ANKRD6: variants seen among roughly 807,000 people sequenced by gnomAD.
The protein encoded by ANKRD6 is ankyrin repeat domain 6, also known as ankyrin repeat domain-containing protein 6.
Under a neutral mutation model 82.3 loss-of-function variants are expected in ANKRD6, and 56 were observed. That is an observed-to-expected ratio of 0.68 (90% CI 0.55 to 0.85). The LOEUF (loss-of-function observed/expected upper bound fraction) is 0.85. Ranked by LOEUF, ANKRD6 falls within the 40% of genes least tolerant of loss-of-function variation. The probability of loss-of-function intolerance (pLI) is 0.00; values close to 1 mark genes in which losing one functional copy is unlikely to be tolerated. For missense variants in ANKRD6, 852 were observed against 907.6 expected (o/e 0.94, Z 0.79); for synonymous variants, 347 against 352.1 (o/e 0.99, Z 0.16).
chr6:89,578,712 C>T (rs762228791), intron 2 of ANKRD6, among the ~76,000 whole-genome samples: 25 of 152,194 alleles, frequency 1.6e-4, no homozygotes, highest in Non-Finnish European at 3.2e-4. Flanking sequence ...CAGCAGTGGG[C>T]CAGGTGCTTG....
chr6:89,450,021 A>C lies in ANKRD6; in HGVS notation c.-144+16646A>C, dbSNP rs756896547. ...TAAAATGCTGTCAAACAGCTGTTACATGCGACAGAGAAATCTCATTAAAGA... is the reference window on the plus strand; with the variant it reads ...TAAAATGCTGTCAAACAGCTGTTACCTGCGACAGAGAAATCTCATTAAAGA... On this transcript the variant is annotated intron_variant, in intron 1 of 15. Coordinates refer to ENST00000339746, the MANE Select transcript of ANKRD6 (RefSeq NM_001242809.2). Among the ~76,000 whole-genome samples, 8 of 152,284 alleles carry C rather than the reference A, an allele frequency of 5.3e-5. 1 individual carries two copies. Among genetic ancestry groups the C allele is most frequent in the Admixed American group, 2.6e-4 (4 of 15,278 alleles).
intron 1 of ANKRD6, among the ~76,000 whole-genome samples, chr6:89,439,639 T>C (rs1390061985): frequency 6.6e-6 from 1 of 152,224 alleles, no homozygotes; most frequent in Non-Finnish European, 1.5e-5. Context: ...GACATTGGGC[T>C]GTTCTACCTA....
intron 1 of ANKRD6, among the ~76,000 whole-genome samples, chr6:89,446,851 T>C (rs1403731896): frequency 1.3e-5 from 2 of 152,162 alleles, no homozygotes; most frequent in Admixed American, 1.3e-4. Flanking sequence ...TCTCACGAGA[T>C]TGGATAGTTT....
chr6:89,503,338 A>G (rs1250551058), intron 1 of ANKRD6, among the ~76,000 whole-genome samples: 1 of 152,210 alleles, frequency 6.6e-6, no homozygotes, highest in Non-Finnish European at 1.5e-5. Flanking sequence ...TCTTGGGCAG[A>G]GAGGACAGAA....
At position 89,630,628 on chromosome 6, in the gene ANKRD6, C is replaced by G; in HGVS notation, c.1808C>G (p.Ala603Gly). Reference protein sequence around the residue: ...VQTALLPMNEAARSDQQAGPC... With the variant: ...VQTALLPMNEGARSDQQAGPC... ...ACAGCCTTGCTACCCATGAATGAGG[C>G]AGCCAGATCTGATCAGCAGGCTGGG... Residue 603 changes from alanine to glycine, a missense_variant, in exon 16 of 16, where the codon GCA becomes GGA. Transcript: ENST00000339746. 6.2e-7 allele frequency: 1 copy of G among 1,613,908 alleles called. No homozygotes were observed.
intron 5 of ANKRD6, among the ~76,000 whole-genome samples, chr6:89,609,004 GC>G (rs1409869914): frequency 6.6e-6 from 1 of 152,182 alleles, no homozygotes; most frequent in Non-Finnish European, 1.5e-5. Context: ...GGGCTCACTG[GC>G]CTGCTTCTCA....
chr6:89,605,308 G>A (rs1272141739), intron 4 of ANKRD6, among the ~76,000 whole-genome samples: 1 of 151,564 alleles, frequency 6.6e-6, no homozygotes, highest in Non-Finnish European at 1.5e-5. Context: ...CTTGAACTCT[G>A]GAGGCAGAGG....
chr6:89,593,290 G>A (rs775054082), intron 2 of ANKRD6, among the ~76,000 whole-genome samples: 6 of 152,232 alleles, frequency 3.9e-5, no homozygotes, highest in Non-Finnish European at 8.8e-5. Flanking sequence ...CATACTCAAT[G>A]TCAAGAAGTC....
At chr6:89,618,396 A>G (rs559764686) in intron 9 of ANKRD6, 2 of 578,252 alleles carry the variant, frequency 3.5e-6, no homozygotes, top group Admixed American at 3.1e-5. Flanking sequence ...GAAGTGGGAC[A>G]GGGACTTTAA....
chr6:89,558,421 G>C (rs1448737987), intron 1 of ANKRD6, among the ~76,000 whole-genome samples: 1 of 152,148 alleles, frequency 6.6e-6, no homozygotes, highest in African/African-American at 2.4e-5. Context: ...GCCATGAAAA[G>C]GCAAGGAGGA....
In ANKRD6 at chr6:89,623,546, T is replaced by C. The variant is rs2128257198; in HGVS notation, c.1032+2T>C. Reference sequence around the variant, plus strand: ...AGGAGGAGAAAGTCAAGGCCCAAGGTCAGGAGACACAGAAAGCAGCCCAGA... The same window carrying C: ...AGGAGGAGAAAGTCAAGGCCCAAGGCCAGGAGACACAGAAAGCAGCCCAGA... On this transcript the variant is annotated splice_donor_variant, in intron 11 of 15. Transcript: ENST00000339746. LOFTEE classifies it high-confidence loss of function. The C allele has an allele frequency of 1.9e-6, 3 of 1,578,978 alleles. No individual in the cohort carries two copies. The highest frequency in any genetic ancestry group is 2.3e-5 in the South Asian group (2 of 86,230).
At position 89,484,707 on chromosome 6, in the gene ANKRD6, T is replaced by G. The variant is rs932023263; in HGVS notation, c.-144+51332T>G. ...AAGTAATTACAGTAATAGAATTATG[T>G]TTACATTCCAGAATACCCATAATGA... On this transcript the variant is annotated intron_variant, in intron 1 of 15. Coordinates refer to ENST00000339746, the MANE Select transcript of ANKRD6 (RefSeq NM_001242809.2). 2.0e-5 allele frequency among the ~76,000 whole-genome samples: 3 copies of G among 152,220 alleles called. No individual in the cohort carries two copies. In the East Asian group the frequency reaches 5.8e-4, roughly 29 times the overall value.
intron 1 of ANKRD6, among the ~76,000 whole-genome samples, chr6:89,449,385 G>C (rs888376158): frequency 6.6e-6 from 1 of 152,162 alleles, no homozygotes; most frequent in Non-Finnish European, 1.5e-5. Flanking sequence ...CTGAGGAGTT[G>C]CTTTTTATGG....
chr6:89,480,763 C>A (rs1282358799), intron 1 of ANKRD6, among the ~76,000 whole-genome samples: 3 of 150,764 alleles, frequency 2.0e-5, no homozygotes, highest in Non-Finnish European at 4.4e-5. Context: ...CATAGTGAGA[C>A]CACATCTCTA....
At chr6:89,587,190 C>CAAA (rs36065437) in intron 2 of ANKRD6, among the ~76,000 whole-genome samples, 4 of 84,270 alleles carry the variant, frequency 4.7e-5, no homozygotes, top group Non-Finnish European at 4.9e-5. Context: ...AACTCCGTCT[C>CAAA]AAAAAAAAAA....
At chr6:89,574,721 C>G (rs1002969395) in intron 2 of ANKRD6, among the ~76,000 whole-genome samples, 3 of 152,130 alleles carry the variant, frequency 2.0e-5, no homozygotes, top group Non-Finnish European at 2.9e-5. Flanking sequence ...AAGGAATGAT[C>G]AGGTAACCTG....
chr6:89,542,509 C>T (rs528554978), intron 1 of ANKRD6, among the ~76,000 whole-genome samples: 1 of 152,102 alleles, frequency 6.6e-6, no homozygotes, highest in African/African-American at 2.4e-5. Flanking sequence ...TGACCACCCC[C>T]CCGCTTCCCG....
Position 89,624,025 on chromosome 6 carries a change from T to C in ANKRD6, c.1186T>C (p.Leu396=). The C allele has an allele frequency of 5.7e-6, 5 of 872,452 alleles. No individual in the cohort carries two copies. Among genetic ancestry groups the C allele is most frequent in the Non-Finnish European group, 8.7e-6 (5 of 574,436 alleles). The allele number at this position is 872,452 out of a possible 1,614,324, so 54.0% of individuals were successfully genotyped here. A position where few individuals can be genotyped will look rare whatever the true frequency, so the allele number is the denominator to read the frequency against. ...HEFRAYQLYT[L]YRGKDGKVMQ... ...GTTCAGGGCGTATCAGCTCTACACA[T>C]TGTACCGGGGCAAGGATGGGAAAGT... is the stretch of plus-strand genomic sequence containing the variant. The change falls in exon 12 of 16, where the codon TTG becomes CTG. Residue 396 remains leucine, a synonymous_variant. Transcript: ENST00000339746.
intron 1 of ANKRD6, among the ~76,000 whole-genome samples, chr6:89,513,938 A>G (rs1371132247): frequency 1.3e-5 from 2 of 152,260 alleles, no homozygotes; most frequent in East Asian, 3.8e-4. Context: ...CCAATTTATG[A>G]AAACAAGAAT....
Sources: allele counts gnomAD v4.1 joint callset (sites outside exome capture counted in the v4.1 genomes callset), GRCh38; gene constraint gnomAD v4.1.1; transcripts MANE v1.5; gene names NCBI Gene and HGNC (gene_info 2026-07-23, HGNC 2026-07-21).